Variants in ERC2 observed in about 807,000 individuals in gnomAD.
ERC2 encodes ERC protein 2.
In ERC2, 42 loss-of-function variants were observed where a neutral mutation model predicts 114.8. The observed-to-expected ratio is 0.37, with a 90% CI of 0.29 to 0.47. The LOEUF (loss-of-function observed/expected upper bound fraction) is 0.47, where lower values mean the gene tolerates loss of function less well. Among genes scored for constraint, ERC2 ranks in the 20% least tolerant of loss-of-function variants. The probability of loss-of-function intolerance (pLI) is 0.99; values close to 1 mark genes in which losing one functional copy is unlikely to be tolerated. For synonymous variants in ERC2, 454 were observed against 425.5 expected (o/e 1.07, Z -0.82); for missense variants, 939 against 1,150.7 (o/e 0.82, Z 2.66).
intron 14 of ERC2, among the ~76,000 whole-genome samples, chr3:55,885,434 T>C (rs1340732279): frequency 6.6e-6 from 1 of 152,208 alleles, no homozygotes; most frequent in Non-Finnish European, 1.5e-5. Context: ...AGCCCACAGG[T>C]TGGGCTTCTA....
intron 17 of ERC2, among the ~76,000 whole-genome samples, chr3:55,603,974 C>T (rs1327711370): frequency 6.6e-6 from 1 of 151,538 alleles, no homozygotes; most frequent in African/African-American, 2.4e-5. Context: ...GATGATTTCA[C>T]CCCCCCCAGC....
chr3:55,573,246 T>C (rs985007107), intron 17 of ERC2, among the ~76,000 whole-genome samples: 2 of 152,258 alleles, frequency 1.3e-5, no homozygotes, highest in African/African-American at 4.8e-5. Flanking sequence ...TTTAGTTTTC[T>C]CTGTGCCTCA....
chr3:56,174,958 T>C (rs542353008), intron 3 of ERC2, among the ~76,000 whole-genome samples: 7 of 135,076 alleles, frequency 5.2e-5, no homozygotes, highest in Admixed American at 7.9e-5. Flanking sequence ...AGCCTGGTGA[T>C]GGAACGAGAC....
intron 17 of ERC2, among the ~76,000 whole-genome samples, chr3:55,530,738 A>G (rs1437370637): frequency 6.6e-6 from 1 of 152,226 alleles, no homozygotes; most frequent in Admixed American, 6.5e-5. Flanking sequence ...TTGGAAATAG[A>G]GCACCTGTGC....
chr3:56,155,120 T>A (rs1280296062), intron 4 of ERC2, among the ~76,000 whole-genome samples: 1 of 152,196 alleles, frequency 6.6e-6, no homozygotes, highest in African/African-American at 2.4e-5. Flanking sequence ...TATCTATTAC[T>A]TTTTTGGTCT....
At chr3:56,118,699 T>G (rs999043174) in intron 6 of ERC2, among the ~76,000 whole-genome samples, 8 of 149,214 alleles carry the variant, frequency 5.4e-5, no homozygotes, top group African/African-American at 1.2e-4. Flanking sequence ...TGCAGTGGCG[T>G]GATCTCGGCT....
chr3:55,927,429 G>C (rs1319762435), intron 13 of ERC2, among the ~76,000 whole-genome samples: 1 of 152,010 alleles, frequency 6.6e-6, no homozygotes, highest in Non-Finnish European at 1.5e-5. Context: ...TTATGGCAGG[G>C]GGTGTTTGTA....
At chr3:56,193,842 A>AT (rs2047936349) in intron 3 of ERC2, among the ~76,000 whole-genome samples, 1 of 152,172 alleles carries the variant, frequency 6.6e-6, no homozygotes, top group Admixed American at 6.6e-5. Context: ...GCTGGATCTC[A>AT]TAGGGACAGC....
intron 13 of ERC2, among the ~76,000 whole-genome samples, chr3:55,899,715 A>AT (rs1188037550): frequency 7.2e-5 from 11 of 152,222 alleles, no homozygotes; most frequent in South Asian, 2.1e-4. Context: ...ATGTGTTGGG[A>AT]TTTTTTTGCA....
At chr3:55,919,099 T>C (rs956797427) in intron 13 of ERC2, among the ~76,000 whole-genome samples, 2 of 152,136 alleles carry the variant, frequency 1.3e-5, no homozygotes, top group Non-Finnish European at 2.9e-5. Context: ...ATGATGTAGG[T>C]AGGATGCAGT....
In ERC2 at chr3:55,681,356, G is replaced by T. The variant is rs555878389; in HGVS notation, c.*39+2438C>A. Among the ~76,000 whole-genome samples, 16 of 152,296 alleles carry T rather than the reference G, an allele frequency of 1.1e-4. No homozygotes were observed. The South Asian group carries it at 3.1e-3, about 30-fold the overall frequency. On this transcript the variant is annotated intron_variant, in intron 17 of 17. Transcript: ENST00000288221. ...CCGATGCTATTATGAGCATATTACT[G>T]ATGTCTAGTAAAATAACATCTTGTG... is the stretch of plus-strand genomic sequence containing the variant.
chr3:55,952,136 A>AACACACACACACACACACACACACAC (rs778299355), intron 12 of ERC2, among the ~76,000 whole-genome samples: 1 of 75,422 alleles, frequency 1.3e-5, no homozygotes, highest in Non-Finnish European at 2.8e-5. Context: ...CCATCTCTAA[A>AACACACACACACACACACACACACAC]ACACACACAC....
intron 3 of ERC2, among the ~76,000 whole-genome samples, chr3:56,212,474 G>A (rs546900820): frequency 2.0e-5 from 3 of 152,074 alleles, no homozygotes; most frequent in South Asian, 2.1e-4. Context: ...GTGTGGACGT[G>A]GTAAAAAAGG....
chr3:55,878,830 AAG>A (rs2062983008), intron 14 of ERC2, among the ~76,000 whole-genome samples: 1 of 152,226 alleles, frequency 6.6e-6, no homozygotes, highest in Non-Finnish European at 1.5e-5. Context: ...ATTTTAATCC[AAG>A]ATAGTACATT....
intron 2 of ERC2, among the ~76,000 whole-genome samples, chr3:56,368,894 C>G (rs2059256579): frequency 6.6e-6 from 1 of 152,082 alleles, no homozygotes; most frequent in South Asian, 2.1e-4. Context: ...ATAAATATAG[C>G]AGTGAAATTC....
intron 12 of ERC2, among the ~76,000 whole-genome samples, chr3:55,982,639 T>C (rs1456895807): frequency 1.3e-5 from 2 of 152,248 alleles, no homozygotes; most frequent in East Asian, 3.9e-4. Flanking sequence ...GTTTGGTCAG[T>C]TTTTCGTCAG....
chr3:56,409,500 C>A, intron 2 of ERC2, among the ~76,000 whole-genome samples: 1 of 136,986 alleles, frequency 7.3e-6, no homozygotes, highest in South Asian at 2.5e-4. Context: ...CCAATTATAC[C>A]AAACTAAAGC....
intron 13 of ERC2, among the ~76,000 whole-genome samples, chr3:55,948,091 CAT>C (rs1427307688): frequency 6.6e-6 from 1 of 152,230 alleles, no homozygotes; most frequent in Non-Finnish European, 1.5e-5. Flanking sequence ...CAATAAAAAG[CAT>C]AGTCACTCTA....
chr3:56,368,532 C>G (rs2059240447), intron 2 of ERC2, among the ~76,000 whole-genome samples: 1 of 152,186 alleles, frequency 6.6e-6, no homozygotes, highest in African/African-American at 2.4e-5. Context: ...CTAACAGCAG[C>G]TCTTTCATCT....
Sources: allele counts gnomAD v4.1 joint callset (sites outside exome capture counted in the v4.1 genomes callset), GRCh38; gene constraint gnomAD v4.1.1; transcripts MANE v1.5; gene names NCBI Gene and HGNC (gene_info 2026-07-23, HGNC 2026-07-21).